Variants in PHTF2 observed in about 807,000 individuals in gnomAD.
PHTF2 encodes the protein protein PHTF2.
In PHTF2, 60 loss-of-function variants were observed where a neutral mutation model predicts 101.2. The ratio of observed to expected loss-of-function variants is 0.59; its 90% CI spans 0.48 to 0.73. The LOEUF (loss-of-function observed/expected upper bound fraction) is 0.73. PHTF2 is among the 30% of genes least tolerant of loss of function. The pLI is 0.00. For missense variants in PHTF2, 747 were observed against 908.7 expected (o/e 0.82, Z 2.29); for synonymous variants, 311 against 307.3 (o/e 1.01, Z -0.13).
At chr7:77,816,022 T>G (rs184036334) in intron 1 of PHTF2, among the ~76,000 whole-genome samples, 1 of 152,350 alleles carries the variant, frequency 6.6e-6, no homozygotes, top group Non-Finnish European at 1.5e-5. Flanking sequence ...GTGTTTAGTC[T>G]GGCTTTTTGT....
exon 20 of PHTF2, chr7:77,956,461 G>A (rs1254696173): frequency 6.6e-6 from 1 of 152,438 alleles, no homozygotes; most frequent in African/African-American, 2.4e-5. Context: ...ACAACAGAAA[G>A]CATTTCATTT....
intron 2 of PHTF2, among the ~76,000 whole-genome samples, chr7:77,841,074 A>ATTTTTTTT (rs1562863302): frequency 9.7e-4 from 50 of 51,382 alleles, no homozygotes; most frequent in South Asian, 2.2e-3. Flanking sequence ...GAAAAAACAG[A>ATTTTTTTT]CTTTTTTTTT....
intron 1 of PHTF2, among the ~76,000 whole-genome samples, chr7:77,825,590 G>T (rs555850278): frequency 6.6e-6 from 1 of 152,348 alleles, no homozygotes; most frequent in African/African-American, 2.4e-5. Context: ...CCTGTGCTCA[G>T]TCCAATTTTA....
intron 3 of PHTF2, among the ~76,000 whole-genome samples, chr7:77,878,032 T>TACCCATAA (rs1266876275): frequency 6.6e-6 from 1 of 152,042 alleles, no homozygotes; most frequent in Non-Finnish European, 1.5e-5. Context: ...ACTTTATGCT[T>TACCCATAA]AGTGATGTAG....
intron 2 of PHTF2, among the ~76,000 whole-genome samples, chr7:77,845,575 G>A (rs926868790): frequency 6.6e-6 from 1 of 152,166 alleles, no homozygotes; most frequent in Admixed American, 6.5e-5. Context: ...GCTATCAATT[G>A]TAAATAGTTG....
chr7:77,923,607 C>A (rs1330946549), intron 11 of PHTF2: 2 of 984,858 alleles, frequency 2.0e-6, no homozygotes, highest in East Asian at 1.1e-4. Flanking sequence ...CCAGTGGTTG[C>A]CATACAGACA....
chr7:77,883,170 A>C (rs902503529), intron 3 of PHTF2, among the ~76,000 whole-genome samples: 1 of 152,102 alleles, frequency 6.6e-6, no homozygotes. Context: ...AATCAGTGAA[A>C]ACCTATTTGA....
chr7:77,821,557 A>G (rs1051454644), intron 1 of PHTF2, among the ~76,000 whole-genome samples: 1 of 151,876 alleles, frequency 6.6e-6, no homozygotes, highest in Non-Finnish European at 1.5e-5. Context: ...GAGTGTGTCC[A>G]CCATAGATGG....
chr7:77,945,160 T>G (rs977500023), intron 16 of PHTF2, among the ~76,000 whole-genome samples: 1 of 152,108 alleles, frequency 6.6e-6, no homozygotes, highest in South Asian at 2.1e-4. Context: ...GCCAATATGG[T>G]GAAACCTCTC....
At chr7:77,834,718 G>A (rs929888466) in intron 1 of PHTF2, among the ~76,000 whole-genome samples, 3 of 152,226 alleles carry the variant, frequency 2.0e-5, no homozygotes, top group African/African-American at 7.2e-5. Context: ...ACAGCTCTTA[G>A]TATCAGAACT....
intron 6 of PHTF2, among the ~76,000 whole-genome samples, chr7:77,901,050 G>A (rs1801337567): frequency 6.6e-6 from 1 of 152,190 alleles, no homozygotes; most frequent in African/African-American, 2.4e-5. Flanking sequence ...CAGAGCAGGA[G>A]CCAGAGAGTG....
rs78246271 is a variant in PHTF2, at chr7:77,951,301, A to G, written c.2116-316A>G. On this transcript the variant is annotated intron_variant, in intron 17 of 19. Transcript: ENST00000416283. ...TAAAAAAGAAAGAAAGAAAAATTAT[A>G]AACTATTGGTTTAGTTTATTCTAAT... 1.1e-3 allele frequency among the ~76,000 whole-genome samples: 160 copies of G among 152,270 alleles called. 1 individual carries two copies. Among genetic ancestry groups the G allele is most frequent in the African/African-American group, 3.6e-3 (150 of 41,552 alleles).
intron 18 of PHTF2, among the ~76,000 whole-genome samples, chr7:77,952,269 A>G (rs1235427371): frequency 1.3e-5 from 2 of 152,144 alleles, no homozygotes; most frequent in East Asian, 1.9e-4. Flanking sequence ...CTTAAAAGGA[A>G]AATATTTTTT....
At chr7:77,799,209 C>T (rs1792320927) in intron 1 of PHTF2, among the ~76,000 whole-genome samples, 1 of 152,302 alleles carries the variant, frequency 6.6e-6, no homozygotes, top group Admixed American at 6.5e-5. Context: ...GAGGCTCAGC[C>T]GCCTTCCTCC....
intron 13 of PHTF2, 130 bp downstream of exon 12, chr7:77,937,968 G>C: frequency 2.8e-6 from 1 of 360,526 alleles, no homozygotes; most frequent in Non-Finnish European, 4.9e-6. Context: ...AGTTACATGT[G>C]TGTATTTGTT....
intron 1 of PHTF2, among the ~76,000 whole-genome samples, chr7:77,836,936 G>C (rs1045684612): frequency 4.8e-5 from 7 of 146,956 alleles, no homozygotes; most frequent in Non-Finnish European, 1.0e-4. Context: ...TGCACATTCT[G>C]CACATGTACC....
At chr7:77,843,167 T>C (rs1796018800) in intron 2 of PHTF2, among the ~76,000 whole-genome samples, 1 of 152,222 alleles carries the variant, frequency 6.6e-6, no homozygotes, top group South Asian at 2.1e-4. Context: ...TTCCCCCCTC[T>C]ATCATCCCAG....
intron 2 of PHTF2, among the ~76,000 whole-genome samples, chr7:77,844,924 T>A (rs968110225): frequency 1.3e-5 from 2 of 152,262 alleles, no homozygotes; most frequent in Non-Finnish European, 2.9e-5. Flanking sequence ...TTCATAGTTA[T>A]GAATAATTTT....
At chr7:77,834,780 G>A (rs182771504) in intron 1 of PHTF2, among the ~76,000 whole-genome samples, 4 of 152,234 alleles carry the variant, frequency 2.6e-5, no homozygotes, top group South Asian at 2.1e-4. Flanking sequence ...TTTATCTGCT[G>A]TACTTCCTGT....
Sources: gnomAD v4.1 joint callset for allele counts (sites outside exome capture counted in the v4.1 genomes callset) on GRCh38, gnomAD v4.1.1 for gene constraint, MANE v1.5 for transcripts, NCBI Gene and HGNC (gene_info 2026-07-23, HGNC 2026-07-21) for gene names.